Variants in MNAT1 observed in about 807,000 individuals in gnomAD.
The protein encoded by MNAT1 is MNAT1 component of CDK activating kinase, also known as CDK-activating kinase assembly factor MAT1.
MNAT1 carries 43 observed loss-of-function variants against 42.0 expected under a neutral mutation model. The ratio of observed to expected loss-of-function variants is 1.02; its 90% CI spans 0.80 to 1.32. The LOEUF is 1.32. MNAT1 is among the 40% of genes most tolerant of loss of function. The probability of loss-of-function intolerance (pLI) is 0.00; values close to 1 mark genes in which losing one functional copy is unlikely to be tolerated. For missense variants in MNAT1, 306 were observed against 350.4 expected, an observed-to-expected ratio of 0.87 and a Z score of 1.01; for synonymous variants, 118 against 120.0, an observed-to-expected ratio of 0.98 and a Z score of 0.11.
intron 7 of MNAT1, among the ~76,000 whole-genome samples, chr14:60,917,218 G>T (rs2035540436): frequency 6.6e-6 from 1 of 152,156 alleles, no homozygotes; most frequent in Non-Finnish European, 1.5e-5. Flanking sequence ...CAGGCAAATG[G>T]AGAGGTCCTC....
chr14:60,825,221 A>G (rs941553341), intron 6 of MNAT1, among the ~76,000 whole-genome samples: 3 of 152,222 alleles, frequency 2.0e-5, no homozygotes, highest in Non-Finnish European at 4.4e-5. Context: ...ACAGCACTAA[A>G]TACCCACTAG....
chr14:60,962,359 C>T (rs2139622296), intron 7 of MNAT1, among the ~76,000 whole-genome samples: 1 of 152,262 alleles, frequency 6.6e-6, no homozygotes, highest in East Asian at 1.9e-4. Context: ...CTATCTATCT[C>T]ATAGCCCATG....
intron 7 of MNAT1, among the ~76,000 whole-genome samples, chr14:60,898,193 A>G (rs2035001606): frequency 6.7e-6 from 1 of 149,476 alleles, no homozygotes; most frequent in Non-Finnish European, 1.5e-5. Context: ...ACTTAGATTG[A>G]TTCTACAGTT....
At chr14:60,846,368 T>G (rs2033683724) in intron 6 of MNAT1, among the ~76,000 whole-genome samples, 2 of 152,076 alleles carry the variant, frequency 1.3e-5, no homozygotes, top group Admixed American at 1.3e-4. Context: ...TTTCAAAGAA[T>G]CAACCTTGGT....
intron 7 of MNAT1, among the ~76,000 whole-genome samples, chr14:60,916,533 T>G (rs993182293): frequency 3.9e-5 from 6 of 152,168 alleles, no homozygotes; most frequent in Non-Finnish European, 7.3e-5. Context: ...CATGCATCTG[T>G]GTTCCCAGCT....
rs544485084 is a variant in MNAT1 at position 60,835,542 on chromosome 14, T to A, written c.687+16695T>A. Among the ~76,000 whole-genome samples, 3 of 152,368 alleles carry A rather than the reference T, an allele frequency of 2.0e-5. No homozygotes were observed. The East Asian group carries it at 5.8e-4, about 29-fold the overall frequency. ...TATAACATTCTGGGTTGAAATTTCT[T>A]TTCTTTAAGAATGTTGCATATTGGC... is the stretch of plus-strand genomic sequence containing the variant. On this transcript the variant is annotated intron_variant, in intron 6 of 7. Coordinates refer to ENST00000261245, the MANE Select transcript of MNAT1 (RefSeq NM_002431.4).
At chr14:60,921,607 A>G (rs185232218) in intron 7 of MNAT1, among the ~76,000 whole-genome samples, 1 of 152,222 alleles carries the variant, frequency 6.6e-6, no homozygotes, top group Admixed American at 6.5e-5. Context: ...ACAGTTCAGC[A>G]GATGAAAACT....
chr14:60,925,265 A>G (rs1258384374), intron 7 of MNAT1, among the ~76,000 whole-genome samples: 2 of 152,238 alleles, frequency 1.3e-5, no homozygotes, highest in Non-Finnish European at 2.9e-5. Context: ...AATTAAATAA[A>G]TAAAGTATAT....
intron 1 of MNAT1, among the ~76,000 whole-genome samples, chr14:60,789,206 T>G (rs80059099): frequency 2.6e-3 from 400 of 151,918 alleles, no homozygotes; most frequent in African/African-American, 9.2e-3. Context: ...AGGGAGAGAG[T>G]TGGAGGAACA....
At chr14:60,832,539 A>G (rs1450035716) in intron 6 of MNAT1, among the ~76,000 whole-genome samples, 1 of 151,852 alleles carries the variant, frequency 6.6e-6, no homozygotes, top group Non-Finnish European at 1.5e-5. Context: ...TGGTCTATAT[A>G]TCTGTTTTGG....
At chr14:60,780,736 A>T (rs893184771) in intron 1 of MNAT1, 1 of 589,160 alleles carries the variant, frequency 1.7e-6, no homozygotes, top group Non-Finnish European at 3.0e-6. Flanking sequence ...AACTGTGTGT[A>T]ATTGTTCCTT....
In MNAT1 at chr14:60,833,353, T is replaced by C. The variant is rs971431692; in HGVS notation, c.687+14506T>C. Among the ~76,000 whole-genome samples, 12 of 152,230 alleles carry C rather than the reference T, an allele frequency of 7.9e-5. 1 individual carries two copies. The South Asian group carries it at 1.0e-3, about 13-fold the overall frequency. ...TCTTGTTATTTTGAGATACATTCCGTCAATACCTAGTTTATTGAAAGTTTT... is the reference window on the plus strand; with the variant it reads ...TCTTGTTATTTTGAGATACATTCCGCCAATACCTAGTTTATTGAAAGTTTT... On this transcript the variant is annotated intron_variant, in intron 6 of 7. Transcript: ENST00000261245.
Position 60,814,093 on chromosome 14 carries a change from C to T in MNAT1, c.561+1966C>T, listed in dbSNP as rs564056715. Among the ~76,000 whole-genome samples, 18 of 152,102 alleles carry T rather than the reference C, an allele frequency of 1.2e-4. No individual in the cohort carries two copies. In the South Asian group the frequency reaches 3.3e-3, roughly 28 times the overall value. ...TACATTGTTTCTGAAGCACTTTTCT[C>T]CTGATTAATACTATTTTTCTAATAA... is the stretch of plus-strand genomic sequence containing the variant. On this transcript the variant is annotated intron_variant, in intron 5 of 7. Coordinates refer to ENST00000261245, the MANE Select transcript of MNAT1 (RefSeq NM_002431.4).
chr14:60,848,567 A>G (rs2033737135), intron 6 of MNAT1, among the ~76,000 whole-genome samples: 1 of 152,134 alleles, frequency 6.6e-6, no homozygotes, highest in Admixed American at 6.5e-5. Context: ...TGACTACTTA[A>G]GCATCTTTGT....
At chr14:60,935,343 CTTCT>C (rs778878482) in intron 7 of MNAT1, among the ~76,000 whole-genome samples, 2 of 122,756 alleles carry the variant, frequency 1.6e-5, no homozygotes, top group Non-Finnish European at 1.6e-5. Flanking sequence ...TCCTTCCTTT[CTTCT>C]TTCTCTCTTT....
intron 7 of MNAT1, among the ~76,000 whole-genome samples, chr14:60,918,367 C>T (rs995985964): frequency 6.6e-6 from 1 of 151,188 alleles, no homozygotes; most frequent in East Asian, 2.0e-4. Context: ...CGCAACCATA[C>T]CGGGCTAATT....
intron 7 of MNAT1, among the ~76,000 whole-genome samples, chr14:60,913,816 C>T (rs2035446519): frequency 6.6e-6 from 1 of 152,184 alleles, no homozygotes. Flanking sequence ...TTCAGATCTC[C>T]AGCTGCGTGC....
chr14:60,935,597 A>G (rs1318896512), intron 7 of MNAT1, among the ~76,000 whole-genome samples: 1 of 152,066 alleles, frequency 6.6e-6, no homozygotes, highest in Non-Finnish European at 1.5e-5. Context: ...TGTTATGGGC[A>G]CATAATGTGT....
At chr14:60,836,389 T>G (rs986845898) in intron 6 of MNAT1, among the ~76,000 whole-genome samples, 2 of 152,234 alleles carry the variant, frequency 1.3e-5, no homozygotes, top group Non-Finnish European at 2.9e-5. Flanking sequence ...ACCTTTGGTC[T>G]TTGACGTTGG....
Sources: gnomAD v4.1 joint callset for allele counts (sites outside exome capture counted in the v4.1 genomes callset) on GRCh38, gnomAD v4.1.1 for gene constraint, MANE v1.5 for transcripts, NCBI Gene and HGNC (gene_info 2026-07-23, HGNC 2026-07-21) for gene names.